Variants in GLCE observed in about 807,000 individuals in gnomAD.
GLCE encodes glucuronic acid epimerase.
GLCE carries 19 observed loss-of-function variants against 47.9 expected under a neutral mutation model. That is an observed-to-expected ratio of 0.40 (90% CI 0.28 to 0.58). The LOEUF (loss-of-function observed/expected upper bound fraction) is 0.58. Among genes scored for constraint, GLCE ranks in the 20% least tolerant of loss-of-function variants. The probability of loss-of-function intolerance (pLI) is 0.48; values close to 1 mark genes in which losing one functional copy is unlikely to be tolerated. For synonymous variants in GLCE, 245 were observed against 263.4 expected (o/e 0.93, Z 0.68); for missense variants, 556 against 743.3 (o/e 0.75, Z 2.93).
intron 2 of GLCE, among the ~76,000 whole-genome samples, chr15:69,241,403 AC>A (rs1358880756): frequency 2.6e-5 from 4 of 152,224 alleles, no homozygotes; most frequent in Non-Finnish European, 4.4e-5. Flanking sequence ...TCTGCAACAT[AC>A]AGGCAAAAGC....
At chr15:69,262,708 G>C (rs987176751) in intron 4 of GLCE, among the ~76,000 whole-genome samples, 1 of 152,108 alleles carries the variant, frequency 6.6e-6, no homozygotes, top group African/African-American at 2.4e-5. Context: ...AGTAGCTGGA[G>C]ATAAAACTAC....
intron 1 of GLCE, among the ~76,000 whole-genome samples, chr15:69,199,160 T>A (rs1410349783): frequency 6.6e-6 from 1 of 152,210 alleles, no homozygotes; most frequent in Non-Finnish European, 1.5e-5. Context: ...GTTTCCTTAA[T>A]GATTTGCTTT....
intron 1 of GLCE, among the ~76,000 whole-genome samples, chr15:69,173,794 T>C (rs1235241721): frequency 6.6e-6 from 1 of 152,234 alleles, no homozygotes; most frequent in African/African-American, 2.4e-5. Flanking sequence ...TATCAGATTC[T>C]ATTAGAGAGA....
At chr15:69,262,091 T>C (rs1595790468) in intron 4 of GLCE, among the ~76,000 whole-genome samples, 1 of 152,290 alleles carries the variant, frequency 6.6e-6, no homozygotes, top group African/African-American at 2.4e-5. Flanking sequence ...AGTTGGTAAA[T>C]AAAAAGAGAG....
intron 1 of GLCE, among the ~76,000 whole-genome samples, chr15:69,184,887 C>T (rs779973081): frequency 2.0e-5 from 3 of 152,196 alleles, no homozygotes; most frequent in African/African-American, 7.2e-5. Flanking sequence ...AAAGGACAAC[C>T]TTAACCAGAG....
rs2053167685 is a variant in GLCE, at chr15:69,271,591, AG to A, written c.*2350del. On this transcript the variant is annotated 3_prime_UTR_variant, in exon 5 of 5. Transcript: ENST00000261858. ...TATTCTGAGCTTAGAGAGAATGGGG[AG>A]GGTATTTTTAAATTTTATTGTTTTA... 6.6e-6 allele frequency: 1 copy of A among 152,528 alleles called. No homozygotes were observed. The highest frequency in any genetic ancestry group is 1.9e-4 in the East Asian group (1 of 5,196). The allele number at this position is 152,528 out of a possible 1,614,324, so 9.4% of individuals were successfully genotyped here. A position where few individuals can be genotyped will look rare whatever the true frequency, so the allele number is the denominator to read the frequency against.
intron 1 of GLCE, among the ~76,000 whole-genome samples, chr15:69,174,140 G>A (rs1566946724): frequency 1.3e-5 from 2 of 152,216 alleles, no homozygotes; most frequent in Non-Finnish European, 2.9e-5. Context: ...TTATAGGCAT[G>A]AGCCACCATA....
At chr15:69,218,050 A>T (rs1034892113) in intron 2 of GLCE, among the ~76,000 whole-genome samples, 15 of 148,934 alleles carry the variant, frequency 1.0e-4, no homozygotes, top group African/African-American at 3.5e-4. Context: ...GCTACTTGGG[A>T]GGCCAAGGCA....
chr15:69,182,199 A>C (rs189299332), intron 1 of GLCE, among the ~76,000 whole-genome samples: 76 of 152,150 alleles, frequency 5.0e-4, no homozygotes, highest in Admixed American at 4.3e-3. Flanking sequence ...GTCAGTCAGC[A>C]TTAAGGAAAC....
intron 4 of GLCE, among the ~76,000 whole-genome samples, chr15:69,264,337 A>G (rs1250402055): frequency 6.6e-6 from 1 of 152,036 alleles, no homozygotes; most frequent in Non-Finnish European, 1.5e-5. Context: ...CTTCTTTGTT[A>G]TGGCTAATAT....
chr15:69,162,302 G>A (rs1040647075), intron 1 of GLCE, among the ~76,000 whole-genome samples: 2 of 150,646 alleles, frequency 1.3e-5, no homozygotes, highest in Admixed American at 1.3e-4. Flanking sequence ...TGACTTGTAT[G>A]TATGTGTATT....
intron 1 of GLCE, among the ~76,000 whole-genome samples, chr15:69,182,468 G>A (rs1464715416): frequency 6.6e-6 from 1 of 152,082 alleles, no homozygotes; most frequent in Non-Finnish European, 1.5e-5. Context: ...AATTGCATTG[G>A]TAACAACTAG....
intron 2 of GLCE, among the ~76,000 whole-genome samples, chr15:69,250,806 A>T (rs975117153): frequency 1.8e-4 from 9 of 48,764 alleles, no homozygotes; most frequent in Admixed American, 3.2e-4. Context: ...TTTTATAGTT[A>T]AAAAAAAAAA....
chr15:69,263,988 G>A (rs994636020), intron 4 of GLCE, among the ~76,000 whole-genome samples: 2 of 152,098 alleles, frequency 1.3e-5, no homozygotes, highest in Non-Finnish European at 2.9e-5. Context: ...TCACCTCATA[G>A]TTACCTTTCT....
chr15:69,254,515 G>T (rs1321128734), intron 2 of GLCE, among the ~76,000 whole-genome samples: 1 of 152,294 alleles, frequency 6.6e-6, no homozygotes. Flanking sequence ...TATAACTGCT[G>T]TGTTCCAGGT....
Position 69,187,386 on chromosome 15 carries a change from A to G in GLCE, c.-104-22930A>G, listed in dbSNP as rs61094476. ...TGTGTTACTATGTACAAGCATACCA[A>G]ACATTTAACATTTGTATCATTTAAT... On this transcript the variant is annotated intron_variant, in intron 1 of 4. Transcript: ENST00000261858. Among the ~76,000 whole-genome samples, 472 of 152,322 alleles carry G rather than the reference A, an allele frequency of 3.1e-3. 8 individuals carry two copies. In the East Asian group the frequency reaches 0.049, roughly 16 times the overall value.
At chr15:69,183,456 A>T (rs1381713032) in intron 1 of GLCE, among the ~76,000 whole-genome samples, 2 of 152,216 alleles carry the variant, frequency 1.3e-5, no homozygotes, top group African/African-American at 2.4e-5. Flanking sequence ...AGGCACTGAA[A>T]TGAAATAATT....
At chr15:69,167,378 C>G (rs928149823) in intron 1 of GLCE, among the ~76,000 whole-genome samples, 4 of 152,192 alleles carry the variant, frequency 2.6e-5, no homozygotes, top group Non-Finnish European at 4.4e-5. Context: ...AGAGAAAATC[C>G]TGACTTTGGA....
intron 1 of GLCE, among the ~76,000 whole-genome samples, chr15:69,172,949 A>G (rs963685046): frequency 6.6e-6 from 1 of 152,170 alleles, no homozygotes; most frequent in Non-Finnish European, 1.5e-5. Context: ...AGACCGGCCT[A>G]TAGTTGATTT....
Sources: gnomAD v4.1 joint callset for allele counts (sites outside exome capture counted in the v4.1 genomes callset) on GRCh38, gnomAD v4.1.1 for gene constraint, MANE v1.5 for transcripts, NCBI Gene and HGNC (gene_info 2026-07-23, HGNC 2026-07-21) for gene names.